NDST4: variants seen among roughly 807,000 people sequenced by gnomAD.
The protein encoded by NDST4 is N-deacetylase and N-sulfotransferase 4.
A neutral mutation model predicts 100.8 loss-of-function variants in NDST4; 63 were observed. The observed-to-expected ratio is 0.62, with a 90% CI of 0.51 to 0.77. The LOEUF (loss-of-function observed/expected upper bound fraction) is 0.77. NDST4 is among the 30% of genes least tolerant of loss of function. The pLI, the probability that NDST4 is intolerant of heterozygous loss-of-function variation, is 0.00. For missense variants in NDST4, 943 were observed against 1,018.4 expected, an observed-to-expected ratio of 0.93 and a Z score of 1.01; for synonymous variants, 377 against 361.8, an observed-to-expected ratio of 1.04 and a Z score of -0.48.
At chr4:114,933,432 CTTTTTTTTTTT>C (rs367931653) in intron 6 of NDST4, among the ~76,000 whole-genome samples, 5 of 89,248 alleles carry the variant, frequency 5.6e-5, no homozygotes, top group Admixed American at 4.0e-4. Flanking sequence ...TTTTCTTTTC[CTTTTTTTTTTT>C]TTTTTTTTTT....
At chr4:114,884,310 A>T (rs1210597668) in intron 6 of NDST4, among the ~76,000 whole-genome samples, 1 of 152,114 alleles carries the variant, frequency 6.6e-6, no homozygotes, top group Non-Finnish European at 1.5e-5. Flanking sequence ...AGAGGTAGTC[A>T]GAATTGGGAG....
chr4:115,057,645 C>T (rs144256775), intron 2 of NDST4, among the ~76,000 whole-genome samples: 255 of 151,666 alleles, frequency 1.7e-3, no homozygotes, highest in African/African-American at 5.9e-3. Context: ...ATTTTATACA[C>T]GTATCTGGCT....
intron 6 of NDST4, among the ~76,000 whole-genome samples, chr4:114,901,080 T>G (rs1724828040): frequency 6.6e-6 from 1 of 151,994 alleles, no homozygotes; most frequent in African/African-American, 2.4e-5. Flanking sequence ...CCTATCTTGG[T>G]TACTGTTCCA....
intron 5 of NDST4, 55 bp from the exon 6 acceptor site, chr4:114,935,389 C>T (rs1725607317): frequency 2.1e-6 from 3 of 1,452,214 alleles, no homozygotes; most frequent in Admixed American, 2.4e-5. Flanking sequence ...AAGAACTTCA[C>T]CTGTGTCTCA....
intron 7 of NDST4, among the ~76,000 whole-genome samples, chr4:114,854,280 A>G (rs1347482583): frequency 6.6e-6 from 1 of 152,210 alleles, no homozygotes; most frequent in African/African-American, 2.4e-5. Flanking sequence ...CTCAGGTTTC[A>G]TCCATGGTGT....
intron 6 of NDST4, among the ~76,000 whole-genome samples, chr4:114,910,803 T>G (rs531038752): frequency 6.6e-6 from 1 of 152,232 alleles, no homozygotes; most frequent in South Asian, 2.1e-4. Context: ...TTAGTAAACA[T>G]GCTTTCACTC....
At chr4:115,069,735 A>C (rs1375748368) in intron 2 of NDST4, among the ~76,000 whole-genome samples, 1 of 151,940 alleles carries the variant, frequency 6.6e-6, no homozygotes, top group Non-Finnish European at 1.5e-5. Context: ...ATCTCTACTA[A>C]AGCTGGGTGT....
At position 114,981,393 on chromosome 4, in the gene NDST4, T is replaced by C. The variant is rs185548150; in HGVS notation, c.979-4119A>G. The stretch of plus-strand genomic sequence containing the variant: ...TTTCTAGAGAAAATTGCTAAAATTG[T>C]CAATTCTGGGGCCCACTTCAGGAAA... On this transcript the variant is annotated intron_variant, in intron 2 of 13. Coordinates refer to ENST00000264363, the MANE Select transcript of NDST4 (RefSeq NM_022569.3). 3.3e-3 allele frequency among the ~76,000 whole-genome samples: 510 copies of C among 152,274 alleles called. 3 individuals carry two copies. Among genetic ancestry groups the C allele is most frequent in the African/African-American group, 0.012 (494 of 41,550 alleles).
intron 1 of NDST4, among the ~76,000 whole-genome samples, chr4:115,084,821 C>A (rs989850618): frequency 6.6e-6 from 1 of 152,094 alleles, no homozygotes; most frequent in Non-Finnish European, 1.5e-5. Context: ...AGGGGCAGAG[C>A]CTTCATGGAG....
At chr4:114,982,366 T>C (rs1210940370) in intron 2 of NDST4, among the ~76,000 whole-genome samples, 2 of 152,164 alleles carry the variant, frequency 1.3e-5, no homozygotes, top group Non-Finnish European at 2.9e-5. Context: ...GATGGGGAAC[T>C]TATTGGAAAC....
chr4:114,926,247 T>C (rs1261155460), intron 6 of NDST4, among the ~76,000 whole-genome samples: 1 of 152,090 alleles, frequency 6.6e-6, no homozygotes, highest in Non-Finnish European at 1.5e-5. Flanking sequence ...AATAGACAGA[T>C]GTCGAAGTAT....
chr4:114,980,981 G>C (rs1443169178), intron 2 of NDST4, among the ~76,000 whole-genome samples: 1 of 152,118 alleles, frequency 6.6e-6, no homozygotes, highest in Non-Finnish European at 1.5e-5. Context: ...GGGAAGCTGA[G>C]CTGGGAGGAT....
At chr4:115,001,936 C>T (rs1481727457) in intron 2 of NDST4, among the ~76,000 whole-genome samples, 1 of 152,126 alleles carries the variant, frequency 6.6e-6, no homozygotes, top group Non-Finnish European at 1.5e-5. Context: ...AACCCTACTC[C>T]GTTACTTATA....
intron 6 of NDST4, among the ~76,000 whole-genome samples, chr4:114,883,925 AG>A (rs1212978378): frequency 2.6e-5 from 4 of 152,100 alleles, no homozygotes; most frequent in African/African-American, 9.7e-5. Flanking sequence ...GGCATATTTC[AG>A]GTTGTAATGC....
intron 10 of NDST4, among the ~76,000 whole-genome samples, chr4:114,843,619 C>T (rs1409810714): frequency 2.0e-5 from 3 of 152,136 alleles, no homozygotes; most frequent in Non-Finnish European, 2.9e-5. Context: ...CACTTCCCTC[C>T]ACATCTTTCG....
intron 6 of NDST4, among the ~76,000 whole-genome samples, chr4:114,891,970 T>G: frequency 6.6e-6 from 1 of 152,254 alleles, no homozygotes; most frequent in Middle Eastern, 3.4e-3. Flanking sequence ...CAAGACCAAC[T>G]TATGAATAAT....
intron 6 of NDST4, among the ~76,000 whole-genome samples, chr4:114,930,371 C>T (rs765402023): frequency 5.9e-5 from 9 of 152,170 alleles, no homozygotes; most frequent in Non-Finnish European, 8.8e-5. Context: ...TTAAACCCAA[C>T]AGACCTTTTG....
intron 8 of NDST4, among the ~76,000 whole-genome samples, chr4:114,850,295 G>A (rs1362184582): frequency 1.3e-5 from 2 of 152,072 alleles, no homozygotes; most frequent in East Asian, 1.9e-4. Context: ...ATCGTACCCC[G>A]ATCTCCCCTG....
intron 2 of NDST4, among the ~76,000 whole-genome samples, chr4:114,997,199 C>G (rs1046093822): frequency 1.2e-4 from 19 of 152,132 alleles, no homozygotes; most frequent in African/African-American, 3.9e-4. Context: ...AGCCCTATTG[C>G]AAAACTAGTA....
Sources: allele counts gnomAD v4.1 joint callset (sites outside exome capture counted in the v4.1 genomes callset), GRCh38; gene constraint gnomAD v4.1.1; transcripts MANE v1.5; gene names NCBI Gene and HGNC (gene_info 2026-07-23, HGNC 2026-07-21).